Variants in ADHFE1 observed in about 807,000 individuals in gnomAD.
The protein encoded by ADHFE1 is hydroxyacid-oxoacid transhydrogenase, mitochondrial.
ADHFE1 carries 37 observed loss-of-function variants against 54.8 expected under a neutral mutation model. The observed-to-expected ratio is 0.68, with a 90% CI of 0.52 to 0.89. The LOEUF is 0.89. ADHFE1 is among the 40% of genes least tolerant of loss of function. ADHFE1 has a pLI of 0.00. For synonymous variants in ADHFE1, 203 were observed against 229.3 expected (o/e 0.89, Z 1.04); for missense variants, 601 against 591.2 (o/e 1.02, Z -0.17).
At chr8:66,460,032 T>C in intron 12 of ADHFE1, 1 of 393,344 alleles carries the variant, frequency 2.5e-6, no homozygotes, top group Non-Finnish European at 4.6e-6. Context: ...GCCGACTTTC[T>C]TGCCTTGTTC....
chr8:66,448,181 C>T (rs1175312072), intron 7 of ADHFE1, among the ~76,000 whole-genome samples: 1 of 152,206 alleles, frequency 6.6e-6, no homozygotes, highest in Non-Finnish European at 1.5e-5. Context: ...TCTTTTTAGT[C>T]TGGCTCAATA....
rs1806082066 is a variant in ADHFE1, at chr8:66,447,290, G to A, written c.577G>A (p.Glu193Lys). The A allele has an allele frequency of 6.2e-7, 1 of 1,613,422 alleles. No homozygotes were observed. Among genetic ancestry groups the A allele is most frequent in the South Asian group, 1.1e-5 (1 of 90,912 alleles). The change falls in exon 7 of 14, where the codon GAA (glutamate) becomes AAA (lysine). Residue 193 changes from glutamate (E) to lysine (K), a missense_variant. Transcript: ENST00000396623. ...AVPTTSGTGSETTGVAIFDYE... is the reference protein window; with the variant it reads ...AVPTTSGTGSKTTGVAIFDYE... ...GCCAACTACCTCAGGAACCGGGAGT[G>A]AAACTACTGGGGTTGCCATTTTTGA...
intron 10 of ADHFE1, among the ~76,000 whole-genome samples, chr8:66,456,225 G>A (rs1586475918): frequency 6.6e-6 from 1 of 152,136 alleles, no homozygotes; most frequent in African/African-American, 2.4e-5. Context: ...CCTTAAGGTA[G>A]AATTTAGCAA....
intron 7 of ADHFE1, among the ~76,000 whole-genome samples, chr8:66,448,012 A>G (rs1444163408): frequency 6.6e-6 from 1 of 152,228 alleles, no homozygotes; most frequent in Non-Finnish European, 1.5e-5. Context: ...TCAAGATACA[A>G]AACATTCCCA....
chr8:66,442,436 G>A (rs776611932), intron 2 of ADHFE1, among the ~76,000 whole-genome samples: 1 of 150,152 alleles, frequency 6.7e-6, no homozygotes, highest in Non-Finnish European at 1.5e-5. Flanking sequence ...TCAGCCTCCC[G>A]AGTAGCTCGG....
rs147236271 is a variant in ADHFE1 at position 66,452,024 on chromosome 8, G to A, written c.806G>A (p.Arg269Gln). Residue 269 changes from arginine (R) to glutamine (Q), a missense_variant, in exon 9 of 14, where the codon CGG becomes CAG. By Grantham distance (43) the Arg-to-Gln change is conservative. Coordinates refer to ENST00000396623, the MANE Select transcript of ADHFE1 (RefSeq NM_144650.3). ...RSPCPSNPIT[R>Q]PAYQGSNPIS... The stretch of plus-strand genomic sequence containing the variant: ...CCCTGCCCTTCAAATCCCATCACAC[G>A]GCCTGCGTACCAGGGCAGCAACCCA... 31 of 1,614,108 alleles carry A rather than the reference G, an allele frequency of 1.9e-5. No individual in the cohort carries two copies. The Middle Eastern group carries it at 5.0e-4, about 26-fold the overall frequency.
At chr8:66,466,813 C>T (rs547797681) in intron 13 of ADHFE1, among the ~76,000 whole-genome samples, 1 of 152,264 alleles carries the variant, frequency 6.6e-6, no homozygotes, top group Admixed American at 6.5e-5. Context: ...TAGGCCAATG[C>T]TTTCTAGGCA....
chr8:66,449,051 G>A lies in ADHFE1; in HGVS notation c.734+81G>A, dbSNP rs1453076387. ...TTTTGTTGCTCAACGCACATGCTAA[G>A]TATTCATTGATTAGCACCCCACAAC... On this transcript the variant is annotated intron_variant, in intron 8 of 13. Transcript: ENST00000396623. 11 of 1,228,666 alleles carry A rather than the reference G, an allele frequency of 9.0e-6. No homozygotes were observed. In the South Asian group the frequency reaches 1.4e-4, roughly 15 times the overall value. The allele number at this position is 1,228,666 out of a possible 1,614,324, so 76.1% of individuals were successfully genotyped here.
Position 66,457,120 on chromosome 8 carries a change from G to C in ADHFE1, c.1116G>C (p.Thr372=), listed in dbSNP as rs2555588. The C allele has an allele frequency of 0.18, 284,791 of 1,612,028 alleles. 26,719 individuals are homozygous for C. Among genetic ancestry groups the C allele is most frequent in the African/African-American group, 0.22 (16,579 of 74,828 alleles). ...VLTSPAVFTF[T]AQMFPERHLE... ...CGTCCCCAGCGGTGTTCACTTTCAC[G>C]GCCCAGATGTTTCCAGAGCGACACC... The change falls in exon 12 of 14, where the codon ACG becomes ACC. Residue 372 remains threonine (T), a synonymous_variant. Coordinates refer to ENST00000396623, the MANE Select transcript of ADHFE1 (RefSeq NM_144650.3).
chr8:66,468,395 C>G lies in ADHFE1; in HGVS notation c.*43C>G, dbSNP rs918886309. ...AGAATTACCGCTGGCCATTGTAGTGCTGAGAGCAAGAGCTGATCTAGCTAG... is the reference window on the plus strand; with the variant it reads ...AGAATTACCGCTGGCCATTGTAGTGGTGAGAGCAAGAGCTGATCTAGCTAG... On this transcript the variant is annotated 3_prime_UTR_variant, in exon 14 of 14. Coordinates refer to ENST00000396623, the MANE Select transcript of ADHFE1 (RefSeq NM_144650.3). The G allele has an allele frequency of 6.5e-6, 10 of 1,536,518 alleles. No individual in the cohort carries two copies.
At chr8:66,433,132 G>A (rs145377801) in intron 1 of ADHFE1, among the ~76,000 whole-genome samples, 2 of 152,264 alleles carry the variant, frequency 1.3e-5, no homozygotes, top group African/African-American at 4.8e-5. Context: ...GTCATGACAC[G>A]CCTGCCTCCC....
intron 9 of ADHFE1, chr8:66,453,756 G>T (rs1185218653): frequency 7.2e-7 from 1 of 1,391,852 alleles, no homozygotes; most frequent in Non-Finnish European, 9.6e-7. Flanking sequence ...GAGTCTCAGG[G>T]CACCTTCCTG....
chr8:66,455,140 A>G (rs1806510433), intron 10 of ADHFE1, among the ~76,000 whole-genome samples: 1 of 152,108 alleles, frequency 6.6e-6, no homozygotes, highest in Non-Finnish European at 1.5e-5. Flanking sequence ...TTCTCTTGTT[A>G]TATAGGTAGG....
At chr8:66,466,593 A>G (rs1807205280) in intron 13 of ADHFE1, among the ~76,000 whole-genome samples, 1 of 151,904 alleles carries the variant, frequency 6.6e-6, no homozygotes, top group Non-Finnish European at 1.5e-5. Flanking sequence ...ACGGTATACT[A>G]AAAGAAGGAA....
intron 10 of ADHFE1, 26 bp downstream of exon 10, chr8:66,454,183 T>A: frequency 6.2e-7 from 1 of 1,610,220 alleles, no homozygotes; most frequent in Non-Finnish European, 8.5e-7. Flanking sequence ...ATTTCATTTC[T>A]TTACTCAAGC....
intron 13 of ADHFE1, among the ~76,000 whole-genome samples, chr8:66,463,424 C>G (rs560125340): frequency 7.7e-4 from 118 of 152,258 alleles, no homozygotes; most frequent in African/African-American, 2.4e-3. Flanking sequence ...CATCTGCTGC[C>G]TTTTTTCCTC....
Position 66,445,309 on chromosome 8 carries a change from G to C in ADHFE1, c.445G>C (p.Ala149Pro), listed in dbSNP as rs772663311. 6.2e-7 allele frequency: 1 copy of C among 1,613,976 alleles called. No individual in the cohort carries two copies. Among genetic ancestry groups the C allele is most frequent in the Non-Finnish European group, 8.5e-7 (1 of 1,179,994 alleles). The part of the protein sequence containing the change: ...GGSTMDTCKA[A>P]NLYASSPHSD... Reference sequence around the variant, plus strand: ...CTCTACCATGGACACCTGTAAGGCTGCTAATCTGTATGCATCCAGCCCTCA... The same window carrying C: ...CTCTACCATGGACACCTGTAAGGCTCCTAATCTGTATGCATCCAGCCCTCA... Residue 149 changes from alanine to proline, a missense_variant, in exon 6 of 14, where the codon GCT becomes CCT. By Grantham distance (27) the Ala-to-Pro change is conservative. Transcript: ENST00000396623.
intron 1 of ADHFE1, among the ~76,000 whole-genome samples, chr8:66,435,797 T>C (rs987298589): frequency 6.6e-5 from 10 of 151,690 alleles, no homozygotes; most frequent in African/African-American, 2.4e-4. Context: ...TTTGTAGAGA[T>C]GGAGTCTCAC....
intron 7 of ADHFE1, among the ~76,000 whole-genome samples, chr8:66,447,816 C>T (rs1424721976): frequency 2.0e-5 from 3 of 152,088 alleles, no homozygotes; most frequent in Admixed American, 6.5e-5. Context: ...CTTAATTGGC[C>T]ATTCTCTGCC....
Sources: allele counts gnomAD v4.1 joint callset (sites outside exome capture counted in the v4.1 genomes callset), GRCh38; gene constraint gnomAD v4.1.1; transcripts MANE v1.5; gene names NCBI Gene and HGNC (gene_info 2026-07-23, HGNC 2026-07-21).